The following PTPRM variants were observed in gnomAD, a reference collection of about 807,000 sequenced individuals.
PTPRM encodes the protein receptor-type tyrosine-protein phosphatase mu.
A neutral mutation model predicts 186.7 loss-of-function variants in PTPRM; 47 were observed. The ratio of observed to expected loss-of-function variants is 0.25; its 90% confidence interval spans 0.20 to 0.32. The LOEUF (loss-of-function observed/expected upper bound fraction) is 0.32, where lower values mean the gene tolerates loss of function less well. Ranked by LOEUF, PTPRM falls within the 10% of genes least tolerant of loss-of-function variation. The pLI, the probability that PTPRM is intolerant of heterozygous loss-of-function variation, is 1.00. For synonymous variants in PTPRM, 668 were observed against 674.9 expected (o/e 0.99, Z 0.16); for missense variants, 1,494 against 1,865.0 (o/e 0.80, Z 3.66).
At chr18:7,712,550 G>T (rs992814242) in intron 1 of PTPRM, among the ~76,000 whole-genome samples, 7 of 151,962 alleles carry the variant, frequency 4.6e-5, no homozygotes, top group African/African-American at 1.7e-4. Context: ...GCTTCAAAAG[G>T]TGGGTAATAA....
chr18:8,003,604 C>T (rs1241458629), intron 7 of PTPRM, among the ~76,000 whole-genome samples: 1 of 152,220 alleles, frequency 6.6e-6, no homozygotes, highest in African/African-American at 2.4e-5. Context: ...AGTTCCGGTC[C>T]TCATGTTACC....
rs989396627 is a variant in PTPRM at position 7,808,337 on chromosome 18, G to C, written c.196+34066G>C. ...CAGGGTGGGGGTGCTGGTCTAGGAG[G>C]CCCCCCTCCATCCATGTAGAGGCGA... On this transcript the variant is annotated intron_variant, in intron 2 of 32. Transcript: ENST00000580170. Among the ~76,000 whole-genome samples the C allele has an allele frequency of 3.9e-5, 6 of 152,240 alleles. No homozygotes were observed. In the East Asian group the frequency reaches 1.2e-3, roughly 29 times the overall value.
intron 1 of PTPRM, among the ~76,000 whole-genome samples, chr18:7,622,477 G>C (rs1446413668): frequency 1.3e-5 from 2 of 151,924 alleles, no homozygotes; most frequent in Non-Finnish European, 2.9e-5. Context: ...TACCTGTTTT[G>C]TCCTTTCAAA....
At chr18:7,851,743 G>A (rs1342654155) in intron 2 of PTPRM, among the ~76,000 whole-genome samples, 1 of 152,130 alleles carries the variant, frequency 6.6e-6, no homozygotes, top group Non-Finnish European at 1.5e-5. Context: ...GGTAAAGCAT[G>A]ATCGTGCAGG....
At chr18:7,583,249 C>T (rs1645935446) in intron 1 of PTPRM, among the ~76,000 whole-genome samples, 1 of 152,214 alleles carries the variant, frequency 6.6e-6, no homozygotes, top group Admixed American at 6.5e-5. Flanking sequence ...GTGACAATTG[C>T]ATGCCACCTA....
At chr18:7,678,497 G>A (rs565799147) in intron 1 of PTPRM, among the ~76,000 whole-genome samples, 3 of 152,240 alleles carry the variant, frequency 2.0e-5, no homozygotes, top group East Asian at 3.9e-4. Flanking sequence ...TTGCCTGGAC[G>A]GGGCCCTGAG....
chr18:8,151,484 G>A (rs375477388), intron 14 of PTPRM, among the ~76,000 whole-genome samples: 13 of 34,570 alleles, frequency 3.8e-4, no homozygotes, highest in African/African-American at 1.2e-3. Context: ...GCCCCCCCCC[G>A]CCCCCCACCA....
intron 2 of PTPRM, among the ~76,000 whole-genome samples, chr18:7,840,180 G>A (rs1388559126): frequency 6.6e-6 from 1 of 152,080 alleles, no homozygotes; most frequent in Non-Finnish European, 1.5e-5. Flanking sequence ...TCAGAGATAA[G>A]TTAAAACCAG....
chr18:8,169,415 G>A (rs2093366800), intron 14 of PTPRM, among the ~76,000 whole-genome samples: 1 of 151,976 alleles, frequency 6.6e-6, no homozygotes, highest in Admixed American at 6.6e-5. Flanking sequence ...AGTTGTGGGG[G>A]TGAAGGAAAA....
intron 7 of PTPRM, among the ~76,000 whole-genome samples, chr18:8,041,801 A>G (rs563843594): frequency 6.6e-6 from 1 of 152,354 alleles, no homozygotes; most frequent in African/African-American, 2.4e-5. Context: ...ATACTCTTTT[A>G]TCTTTCATTT....
intron 2 of PTPRM, among the ~76,000 whole-genome samples, chr18:7,879,774 G>A (rs1234794441): frequency 3.3e-5 from 5 of 152,146 alleles, no homozygotes; most frequent in African/African-American, 9.7e-5. Context: ...ACAGAGTAAC[G>A]TGAACTAAAT....
At chr18:7,781,376 T>C (rs1162095181) in intron 2 of PTPRM, among the ~76,000 whole-genome samples, 1 of 152,184 alleles carries the variant, frequency 6.6e-6, no homozygotes, top group Non-Finnish European at 1.5e-5. Flanking sequence ...GCAGTGCCTA[T>C]TTTTTTGAGT....
At chr18:7,694,527 A>C (rs1426977279) in intron 1 of PTPRM, among the ~76,000 whole-genome samples, 1 of 151,604 alleles carries the variant, frequency 6.6e-6, no homozygotes, top group African/African-American at 2.4e-5. Context: ...CCCGGGTTCA[A>C]GTGATTCTCC....
intron 14 of PTPRM, among the ~76,000 whole-genome samples, chr18:8,209,876 G>C (rs534722950): frequency 6.6e-6 from 1 of 151,376 alleles, no homozygotes; most frequent in East Asian, 2.0e-4. Context: ...ATACATGTGG[G>C]GCTTAAAACC....
In PTPRM at chr18:7,599,752, A is replaced by G. The variant is rs547445070; in HGVS notation, c.73+31861A>G. 3.7e-4 allele frequency among the ~76,000 whole-genome samples: 56 copies of G among 152,250 alleles called. 1 individual carries two copies. Among genetic ancestry groups the G allele is most frequent in the Admixed American group, 2.0e-3 (30 of 15,302 alleles). On this transcript the variant is annotated intron_variant, in intron 1 of 32. Transcript: ENST00000580170. ...TGTGATAGAAAGCCCTCTTGAGGGA[A>G]AGCAAAGGCCTGTTTGTGATGAGAG...
intron 1 of PTPRM, among the ~76,000 whole-genome samples, chr18:7,767,393 AC>A (rs1348045765): frequency 2.0e-5 from 3 of 152,174 alleles, no homozygotes; most frequent in Admixed American, 6.5e-5. Context: ...AATAAAAAAA[AC>A]AATTTTTAAT....
intron 20 of PTPRM, 135 bp downstream of exon 20, chr18:8,296,590 G>T (rs1715434271): frequency 1.7e-6 from 1 of 604,364 alleles, no homozygotes; most frequent in Non-Finnish European, 2.9e-6. Flanking sequence ...TGGTGTTAAC[G>T]CTCGTACTAA....
In PTPRM at chr18:8,376,065, G is replaced by A. The variant is rs2095692838; in HGVS notation, c.3191G>A (p.Arg1064Gln). ...CTGCAGAGAGGTGTGCATGAAATCC[G>A]AGAGATCAGACAGTTTCACTTCACT... ...AVEKRGVHEI[R>Q]EIRQFHFTGW... The change falls in exon 25 of 33, where the codon CGA (arginine) becomes CAA (glutamine). Residue 1064 changes from arginine (R) to glutamine (Q), a missense_variant. Around this residue, in one of 3 missense-constraint regions of PTPRM, gnomAD observed 1,107 missense variants for 1,350.2 expected, o/e 0.82. Transcript: ENST00000580170. 1.9e-6 allele frequency: 3 copies of A among 1,611,212 alleles called. No individual in the cohort carries two copies. Among genetic ancestry groups the A allele is most frequent in the Non-Finnish European group, 2.5e-6 (3 of 1,177,622 alleles).
chr18:8,191,425 T>C (rs77274086), intron 14 of PTPRM, among the ~76,000 whole-genome samples: 6,583 of 152,090 alleles, frequency 0.043, 215 homozygotes, highest in Middle Eastern at 0.071. Flanking sequence ...AGGAGAAGCA[T>C]CTCTTCTTCA....
Sources: gnomAD v4.1 joint callset for allele counts (sites outside exome capture counted in the v4.1 genomes callset) on GRCh38, gnomAD v4.1.1 for gene constraint, gnomAD v4.1.1 regional missense constraint, MANE v1.5 for transcripts, NCBI Gene and HGNC (gene_info 2026-07-23, HGNC 2026-07-21) for gene names.